Variants in FHOD3 observed in about 807,000 individuals in gnomAD.
FHOD3 encodes FH1/FH2 domain-containing protein 3.
In FHOD3, 90 loss-of-function variants were observed where a neutral mutation model predicts 173.0. The ratio of observed to expected loss-of-function variants is 0.52; its 90% CI spans 0.44 to 0.62. The LOEUF (loss-of-function observed/expected upper bound fraction) is 0.62, where lower values mean the gene tolerates loss of function less well. Ranked by LOEUF, FHOD3 falls within the 20% of genes least tolerant of loss-of-function variation. The probability of loss-of-function intolerance (pLI) is 0.00; values close to 1 mark genes in which losing one functional copy is unlikely to be tolerated. For synonymous variants in FHOD3, 828 were observed against 823.0 expected, an observed-to-expected ratio of 1.01 and a Z score of -0.10; for missense variants, 1,945 against 2,034.7, an observed-to-expected ratio of 0.96 and a Z score of 0.85.
intron 18 of FHOD3, among the ~76,000 whole-genome samples, chr18:36,714,594 G>C (rs2040349974): frequency 6.6e-6 from 1 of 152,148 alleles, no homozygotes; most frequent in Non-Finnish European, 1.5e-5. Flanking sequence ...ATAAGAAAAT[G>C]CTCACATTTC....
At chr18:36,641,481 A>T (rs1187623779) in intron 10 of FHOD3, among the ~76,000 whole-genome samples, 1 of 152,190 alleles carries the variant, frequency 6.6e-6, no homozygotes, top group Non-Finnish European at 1.5e-5. Flanking sequence ...CTTTGGCTTT[A>T]AACAGCCAAG....
At chr18:36,753,566 T>G (rs1193395943) in intron 24 of FHOD3, among the ~76,000 whole-genome samples, 1 of 152,266 alleles carries the variant, frequency 6.6e-6, no homozygotes, top group African/African-American at 2.4e-5. Context: ...TCATTTCTTT[T>G]TATGCAAATG....
Position 36,355,589 on chromosome 18 carries a change from G to T in FHOD3, c.216G>T (p.Leu72Phe), listed in dbSNP as rs756720244. ...QLSHNGAYLD[L>F]EATLAEQRDE... Reference sequence around the variant, plus strand: ...CTCACAATGGCGCCTACCTGGATTTGGAGGCCACCCTGGCAGAGCAGCGGG... The same window carrying T: ...CTCACAATGGCGCCTACCTGGATTTTGAGGCCACCCTGGCAGAGCAGCGGG... The change falls in exon 2 of 29, where the codon TTG becomes TTT. Residue 72 changes from leucine to phenylalanine, a missense_variant. Physicochemically the swap from Leu to Phe is conservative, Grantham distance 22 (BLOSUM62 0). Around this residue, in one of 5 missense-constraint regions of FHOD3, gnomAD observed 245 missense variants for 267.7 expected, o/e 0.92. Coordinates refer to ENST00000590592, the MANE Select transcript of FHOD3 (RefSeq NM_001281740.3). 2 of 1,614,138 alleles carry T rather than the reference G, an allele frequency of 1.2e-6. No homozygotes were observed. Among genetic ancestry groups the T allele is most frequent in the South Asian group, 2.2e-5 (2 of 91,070 alleles).
chr18:36,560,234 C>T (rs1352442654), intron 5 of FHOD3, among the ~76,000 whole-genome samples: 9 of 152,192 alleles, frequency 5.9e-5, no homozygotes, highest in Non-Finnish European at 1.0e-4. Flanking sequence ...CTGGGCCTTG[C>T]ATCTAACCTG....
At chr18:36,618,906 C>T (rs1027056508) in intron 9 of FHOD3, among the ~76,000 whole-genome samples, 1 of 152,138 alleles carries the variant, frequency 6.6e-6, no homozygotes, top group African/African-American at 2.4e-5. Flanking sequence ...CCTTAGTGTC[C>T]TCCCTGGATC....
intron 5 of FHOD3, among the ~76,000 whole-genome samples, chr18:36,561,772 C>T (rs2058089578): frequency 6.6e-6 from 1 of 152,130 alleles, no homozygotes; most frequent in Non-Finnish European, 1.5e-5. Flanking sequence ...TTAGAGCTAA[C>T]AGAGATGACT....
At chr18:36,694,387 C>A (rs922497320) in intron 17 of FHOD3, among the ~76,000 whole-genome samples, 25 of 152,186 alleles carry the variant, frequency 1.6e-4, no homozygotes, top group African/African-American at 5.6e-4. Context: ...CAAACCTTGG[C>A]TCATTCTGCT....
intron 5 of FHOD3, among the ~76,000 whole-genome samples, chr18:36,570,639 T>C (rs1488707335): frequency 6.6e-6 from 1 of 152,016 alleles, no homozygotes; most frequent in Non-Finnish European, 1.5e-5. Context: ...TCAACAAATA[T>C]TAGTAAATCA....
chr18:36,481,140 A>G (rs919466228), intron 3 of FHOD3, among the ~76,000 whole-genome samples: 4 of 148,798 alleles, frequency 2.7e-5, no homozygotes, highest in Non-Finnish European at 4.4e-5. Context: ...TTTCTCTTTC[A>G]CTGAAGGAGA....
At chr18:36,640,311 T>C (rs1257941582) in intron 10 of FHOD3, among the ~76,000 whole-genome samples, 1 of 152,232 alleles carries the variant, frequency 6.6e-6, no homozygotes, top group East Asian at 1.9e-4. Context: ...ACTTGATGGC[T>C]AACAAAACTC....
intron 19 of FHOD3, among the ~76,000 whole-genome samples, chr18:36,721,668 A>T (rs1191656426): frequency 6.6e-6 from 1 of 151,684 alleles, no homozygotes; most frequent in African/African-American, 2.4e-5. Context: ...AAAACAACAA[A>T]CCCCACATTA....
chr18:36,621,923 G>A (rs1276092512), intron 9 of FHOD3, among the ~76,000 whole-genome samples: 1 of 152,164 alleles, frequency 6.6e-6, no homozygotes, highest in East Asian at 1.9e-4. Flanking sequence ...CAATAGCCAA[G>A]GTGTGGAACC....
intron 3 of FHOD3, among the ~76,000 whole-genome samples, chr18:36,422,157 G>A (rs981789608): frequency 1.3e-5 from 2 of 152,046 alleles, no homozygotes; most frequent in East Asian, 3.9e-4. Context: ...CCACTTGGCC[G>A]CCACATGTAA....
At chr18:36,381,144 A>G (rs2047762296) in intron 3 of FHOD3, among the ~76,000 whole-genome samples, 1 of 152,250 alleles carries the variant, frequency 6.6e-6, no homozygotes, top group South Asian at 2.1e-4. Context: ...AAGTGCTGCC[A>G]AAACATCTAA....
At position 36,755,226 on chromosome 18, in the gene FHOD3, C is replaced by T. The variant is rs749640715; in HGVS notation, c.4340C>T (p.Thr1447Ile). Residue 1447 changes from threonine to isoleucine, a missense_variant, in exon 25 of 29, where the codon ACA (threonine) becomes ATA (isoleucine). Thr to Ile is a moderately conservative substitution (Grantham distance 89). Transcript: ENST00000590592. ...IISEFALEYRTTRERVLQQKQ... is the reference protein window; with the variant it reads ...IISEFALEYRITRERVLQQKQ... ...AGTGAATTTGCACTAGAGTATCGCA[C>T]AACCAGGGAAAGGGTTTTGCAGCAG... 4 of 1,612,464 alleles carry T rather than the reference C, an allele frequency of 2.5e-6. No homozygotes were observed. Among genetic ancestry groups the T allele is most frequent in the South Asian group, 1.1e-5 (1 of 90,940 alleles).
At chr18:36,580,297 C>T (rs1045080644) in intron 6 of FHOD3, among the ~76,000 whole-genome samples, 3 of 152,176 alleles carry the variant, frequency 2.0e-5, no homozygotes, top group African/African-American at 7.2e-5. Flanking sequence ...GCCGTCAGCA[C>T]TGGATCTGTG....
intron 16 of FHOD3, 35 bp from the exon 17 acceptor site, chr18:36,693,174 C>T (rs552395663): frequency 3.3e-5 from 52 of 1,584,894 alleles, no homozygotes; most frequent in South Asian, 8.0e-5. Context: ...GCTCCTCTTT[C>T]GTTTGACGGA....
At chr18:36,580,955 G>A (rs1599740842) in intron 6 of FHOD3, among the ~76,000 whole-genome samples, 1 of 152,188 alleles carries the variant, frequency 6.6e-6, no homozygotes, top group Non-Finnish European at 1.5e-5. Flanking sequence ...AAGTACTGGA[G>A]CAGAAACATC....
At chr18:36,758,032 G>A (rs180994397) in intron 25 of FHOD3, among the ~76,000 whole-genome samples, 1 of 152,352 alleles carries the variant, frequency 6.6e-6, no homozygotes, top group Admixed American at 6.5e-5. Context: ...TTTTAGGGAT[G>A]TTGAGCGGGC....
Sources: gnomAD v4.1 joint callset for allele counts (sites outside exome capture counted in the v4.1 genomes callset) on GRCh38, gnomAD v4.1.1 for gene constraint, gnomAD v4.1.1 regional missense constraint, MANE v1.5 for transcripts, NCBI Gene and HGNC (gene_info 2026-07-23, HGNC 2026-07-21) for gene names.